The following SPATA6 variants were observed in gnomAD, a reference collection of about 807,000 sequenced individuals.
SPATA6 encodes the protein spermatogenesis-associated protein 6.
A neutral mutation model predicts 65.3 loss-of-function variants in SPATA6; 56 were observed. That is an observed-to-expected ratio of 0.86 (90% CI 0.69 to 1.07). The LOEUF (loss-of-function observed/expected upper bound fraction) is 1.07, where lower values mean the gene tolerates loss of function less well. Among genes scored for constraint, SPATA6 ranks in the 50% least tolerant of loss-of-function variants. The probability of loss-of-function intolerance (pLI) is 0.00; values close to 1 mark genes in which losing one functional copy is unlikely to be tolerated. For missense variants in SPATA6, 590 were observed against 594.8 expected (o/e 0.99, Z 0.08); for synonymous variants, 199 against 213.2 (o/e 0.93, Z 0.58).
At chr1:48,429,570 T>G (rs1445415954) in intron 3 of SPATA6, among the ~76,000 whole-genome samples, 1 of 151,906 alleles carries the variant, frequency 6.6e-6, no homozygotes, top group Non-Finnish European at 1.5e-5. Context: ...AAATGCCCAG[T>G]TTTCAACAAA....
chr1:48,305,910 C>T (rs368894926), intron 11 of SPATA6, 32 bp from the exon 12 acceptor site: 3 of 1,543,348 alleles, frequency 1.9e-6, no homozygotes, highest in Admixed American at 1.7e-5. Context: ...CATTAACTCA[C>T]TGTCTCATTG....
chr1:48,470,420 G>A (rs1202459467), intron 1 of SPATA6, among the ~76,000 whole-genome samples: 2 of 152,152 alleles, frequency 1.3e-5, no homozygotes, highest in East Asian at 3.9e-4. Flanking sequence ...AAAGTTTCGT[G>A]CATTCTTCTT....
chr1:48,400,768 C>G (rs1651086194), intron 6 of SPATA6: 12 of 1,295,364 alleles, frequency 9.3e-6, no homozygotes, highest in Non-Finnish European at 1.2e-5. Context: ...GCATTTCATA[C>G]AGACCAGTTG....
chr1:48,468,839 G>A (rs1228917844), intron 1 of SPATA6, among the ~76,000 whole-genome samples: 1 of 152,144 alleles, frequency 6.6e-6, no homozygotes, highest in Non-Finnish European at 1.5e-5. Flanking sequence ...ACTCATGTTT[G>A]GGACAACCAG....
At chr1:48,469,475 TATATATATA>T (rs1557743203) in intron 1 of SPATA6, among the ~76,000 whole-genome samples, 2 of 1,480 alleles carry the variant, frequency 1.4e-3, no homozygotes, top group African/African-American at 1.8e-3. Flanking sequence ...TATCTATTTA[TATATATATA>T]TATATATATA....
At chr1:48,342,937 T>C (rs994035174) in intron 11 of SPATA6, among the ~76,000 whole-genome samples, 1 of 152,144 alleles carries the variant, frequency 6.6e-6, no homozygotes, top group South Asian at 2.1e-4. Context: ...ACAAGATATC[T>C]TCATGAACCC....
At position 48,346,790 on chromosome 1, in the gene SPATA6, C is replaced by T. The variant is rs148916131; in HGVS notation, c.1194+8880G>A. ...TGAAAGATCTCTACAAGGAGAACTACAAAACACTGCTCAGAGAAATAGGAA... is the reference window on the plus strand; with the variant it reads ...TGAAAGATCTCTACAAGGAGAACTATAAAACACTGCTCAGAGAAATAGGAA... On this transcript the variant is annotated intron_variant, in intron 11 of 12. Coordinates refer to ENST00000371847, the MANE Select transcript of SPATA6 (RefSeq NM_019073.4). Among the ~76,000 whole-genome samples, 51 of 152,016 alleles carry T rather than the reference C, an allele frequency of 3.4e-4. No individual in the cohort carries two copies. The East Asian group carries it at 9.1e-3, about 27-fold the overall frequency.
chr1:48,450,903 T>C (rs911827609), intron 3 of SPATA6, among the ~76,000 whole-genome samples: 3 of 152,200 alleles, frequency 2.0e-5, no homozygotes, highest in African/African-American at 7.2e-5. Context: ...ATTAGATCAA[T>C]CTGTTGATCC....
chr1:48,310,489 T>C (rs1645176061), intron 11 of SPATA6, among the ~76,000 whole-genome samples: 1 of 152,212 alleles, frequency 6.6e-6, no homozygotes, highest in Non-Finnish European at 1.5e-5. Flanking sequence ...TTTTTCATGT[T>C]GAAGCATTTG....
intron 3 of SPATA6, chr1:48,437,230 C>G: frequency 6.2e-7 from 1 of 1,612,508 alleles, no homozygotes; most frequent in Non-Finnish European, 8.5e-7. Context: ...CTAGGGCTGC[C>G]AAATCATTTC....
intron 9 of SPATA6, among the ~76,000 whole-genome samples, chr1:48,361,606 G>T (rs932359556): frequency 2.0e-5 from 3 of 152,128 alleles, no homozygotes; most frequent in Non-Finnish European, 4.4e-5. Context: ...TTATGTTATA[G>T]TAGCGCTATT....
intron 11 of SPATA6, among the ~76,000 whole-genome samples, chr1:48,344,800 G>A (rs1488826959): frequency 2.0e-5 from 3 of 151,698 alleles, no homozygotes; most frequent in Non-Finnish European, 3.0e-5. Context: ...AATGGTAAAG[G>A]GGACAATTCA....
intron 9 of SPATA6, among the ~76,000 whole-genome samples, chr1:48,364,282 A>G (rs1264725625): frequency 2.6e-5 from 4 of 152,204 alleles, no homozygotes; most frequent in Non-Finnish European, 5.9e-5. Context: ...GTGTCTTTAT[A>G]GAAGCATGAT....
intron 3 of SPATA6, among the ~76,000 whole-genome samples, chr1:48,417,957 C>T (rs1652936327): frequency 6.6e-6 from 1 of 152,132 alleles, no homozygotes; most frequent in Non-Finnish European, 1.5e-5. Context: ...CTCTGACCTC[C>T]TCAAAGCCAG....
At chr1:48,355,566 T>C in intron 11 of SPATA6, 104 bp downstream of exon 11, 3 of 764,942 alleles carry the variant, frequency 3.9e-6, no homozygotes, top group Non-Finnish European at 6.1e-6. Flanking sequence ...TTGCTTGCTT[T>C]CTTTTTTTCT....
At chr1:48,388,923 T>C (rs1432504849) in intron 8 of SPATA6, among the ~76,000 whole-genome samples, 1 of 151,968 alleles carries the variant, frequency 6.6e-6, no homozygotes, top group Non-Finnish European at 1.5e-5. Context: ...TTCGCTCTTC[T>C]TGCCCAGGCT....
Position 48,296,453 on chromosome 1 carries a change from G to C in SPATA6, c.*2260C>G, listed in dbSNP as rs1182785141. On this transcript the variant is annotated 3_prime_UTR_variant, in exon 13 of 13. Transcript: ENST00000371847. ...ATTAGTTTCTAAAGTTTCCCTTTCA[G>C]CCCTACTTTTTGCAGCCTTTTTCAC... 6.6e-6 allele frequency: 1 copy of C among 152,136 alleles called. No homozygotes were observed. Among genetic ancestry groups the C allele is most frequent in the African/African-American group, 2.4e-5 (1 of 41,448 alleles). The allele number at this position is 152,136 out of a possible 1,614,324, so 9.4% of individuals were successfully genotyped here. A position where few individuals can be genotyped will look rare whatever the true frequency, so the allele number is the denominator to read the frequency against.
chr1:48,389,252 G>A (rs1292654030), intron 8 of SPATA6, among the ~76,000 whole-genome samples: 1 of 152,114 alleles, frequency 6.6e-6, no homozygotes, highest in East Asian at 1.9e-4. Context: ...GCAAAAATAA[G>A]AAATAAAAAA....
At chr1:48,419,221 A>G (rs1271716753) in intron 3 of SPATA6, among the ~76,000 whole-genome samples, 1 of 152,222 alleles carries the variant, frequency 6.6e-6, no homozygotes. Flanking sequence ...TCTATTTTAC[A>G]GATAAAAAAC....
Sources: allele counts gnomAD v4.1 joint callset (sites outside exome capture counted in the v4.1 genomes callset), GRCh38; gene constraint gnomAD v4.1.1; transcripts MANE v1.5; gene names NCBI Gene and HGNC (gene_info 2026-07-23, HGNC 2026-07-21).